The following PLXDC1 variants were observed in gnomAD, a reference collection of about 807,000 sequenced individuals.
PLXDC1 encodes the protein plexin domain containing 1.
In PLXDC1, 39 loss-of-function variants were observed where a neutral mutation model predicts 61.3. The ratio of observed to expected loss-of-function variants is 0.64; its 90% CI spans 0.49 to 0.83. The LOEUF is 0.83. Among genes scored for constraint, PLXDC1 ranks in the 40% least tolerant of loss-of-function variants. The pLI is 0.00. For missense variants in PLXDC1, 596 were observed against 666.5 expected (o/e 0.89, Z 1.17); for synonymous variants, 212 against 254.5 (o/e 0.83, Z 1.59).
intron 7 of PLXDC1, among the ~76,000 whole-genome samples, chr17:39,105,456 G>A (rs538549566): frequency 7.6e-4 from 116 of 152,106 alleles, no homozygotes; most frequent in Non-Finnish European, 1.3e-3. Context: ...CAGCATGGCC[G>A]AGGCTGGATT....
chr17:39,149,621 G>A (rs1459059835), intron 1 of PLXDC1, among the ~76,000 whole-genome samples: 2 of 152,218 alleles, frequency 1.3e-5, no homozygotes, highest in African/African-American at 4.8e-5. Context: ...ACTTAGAGAA[G>A]TGATTCAAGT....
intron 1 of PLXDC1, among the ~76,000 whole-genome samples, chr17:39,150,775 G>T (rs2045367390): frequency 6.6e-6 from 1 of 152,306 alleles, no homozygotes; most frequent in African/African-American, 2.4e-5. Context: ...GAGGCTGGGG[G>T]TGCAGAAGCA....
chr17:39,111,066 C>G (rs1402836878), intron 2 of PLXDC1, among the ~76,000 whole-genome samples: 2 of 152,120 alleles, frequency 1.3e-5, no homozygotes, highest in Non-Finnish European at 2.9e-5. Flanking sequence ...ATGCAAGATC[C>G]CACCATCAGC....
chr17:39,119,768 A>G (rs1023323636), intron 2 of PLXDC1, among the ~76,000 whole-genome samples: 10 of 152,104 alleles, frequency 6.6e-5, no homozygotes, highest in African/African-American at 2.4e-4. Flanking sequence ...TTTTAACTTC[A>G]TTTTTAAAAA....
intron 7 of PLXDC1, among the ~76,000 whole-genome samples, chr17:39,095,645 C>CG (rs900689542): frequency 1.9e-4 from 28 of 150,466 alleles, no homozygotes; most frequent in East Asian, 3.9e-4. Context: ...TTTTTTTTGG[C>CG]GGGGGGGTTG....
intron 2 of PLXDC1, among the ~76,000 whole-genome samples, chr17:39,134,355 GT>G (rs1911666554): frequency 6.6e-6 from 1 of 152,082 alleles, no homozygotes; most frequent in African/African-American, 2.4e-5. Flanking sequence ...GCGGGGTGTG[GT>G]GGCTCACGTC....
chr17:39,126,834 TA>T (rs895151185), intron 2 of PLXDC1: 1 of 152,176 alleles, frequency 6.6e-6, no homozygotes, highest in African/African-American at 2.4e-5. Flanking sequence ...GGAATCCATT[TA>T]TTTTTTTCTC....
At chr17:39,101,883 G>A (rs570224329) in intron 7 of PLXDC1, among the ~76,000 whole-genome samples, 7 of 152,274 alleles carry the variant, frequency 4.6e-5, no homozygotes, top group Admixed American at 2.0e-4. Flanking sequence ...TGGCCCTACC[G>A]AGAGGTGGTA....
chr17:39,075,781 G>C (rs572361877), intron 11 of PLXDC1, among the ~76,000 whole-genome samples: 9 of 152,188 alleles, frequency 5.9e-5, no homozygotes, highest in Admixed American at 2.6e-4. Context: ...GTAACGTTTA[G>C]AAAGGCAGGG....
At chr17:39,082,694 C>T (rs1247057809) in intron 9 of PLXDC1, among the ~76,000 whole-genome samples, 1 of 152,218 alleles carries the variant, frequency 6.6e-6, no homozygotes, top group Non-Finnish European at 1.5e-5. Flanking sequence ...GGACTTCCCA[C>T]TCTCATGAGA....
intron 2 of PLXDC1, among the ~76,000 whole-genome samples, chr17:39,132,824 G>T (rs1260304442): frequency 3.3e-5 from 5 of 151,990 alleles, no homozygotes; most frequent in Admixed American, 2.6e-4. Flanking sequence ...TGTGTAGGGG[G>T]AGGCAAAAGG....
At chr17:39,101,175 T>C (rs1441853402) in intron 7 of PLXDC1, among the ~76,000 whole-genome samples, 1 of 152,182 alleles carries the variant, frequency 6.6e-6, no homozygotes, top group African/African-American at 2.4e-5. Flanking sequence ...GGAAAACAGC[T>C]CTACTAGCTT....
chr17:39,147,420 T>C (rs775809772), intron 1 of PLXDC1, among the ~76,000 whole-genome samples: 2 of 152,098 alleles, frequency 1.3e-5, no homozygotes, highest in Non-Finnish European at 2.9e-5. Flanking sequence ...GCCCCCTCGG[T>C]GTTGGTGTGT....
In PLXDC1 at chr17:39,076,078, AAAAAAAAAAAAAG is replaced by A. The variant is rs1269416792; in HGVS notation, c.1186+1822_1186+1834del. Among the ~76,000 whole-genome samples the A allele has an allele frequency of 1.6e-3, 55 of 34,174 alleles. 3 individuals carry two copies. The highest frequency in any genetic ancestry group is 0.013 in the Admixed American group (14 of 1,066). 22.4% of individuals were successfully genotyped at this position (34,174 alleles called of 152,430 possible). On this transcript the variant is annotated intron_variant, in intron 11 of 13. Transcript: ENST00000315392. ...GGGCAACAGAGCAGGACTAAGTCTG[AAAAAAAAAAAAAG>A]AAAAAAAAAAAAAGAAAGAAAAAAG...
rs189929277 is a variant in PLXDC1, at chr17:39,128,976, C to A, written c.255+10678G>T. Among the ~76,000 whole-genome samples the A allele has an allele frequency of 2.5e-3, 374 of 151,072 alleles. 8 individuals are homozygous for A. In the East Asian group the frequency reaches 0.04, roughly 16 times the overall value. The stretch of plus-strand genomic sequence containing the variant: ...AGTGAGCCGAGATTGTGCCACTGCA[C>A]TCCAGTCTAGGCAACAGAGCAAGAC... On this transcript the variant is annotated intron_variant, in intron 2 of 13. Coordinates refer to ENST00000315392, the MANE Select transcript of PLXDC1 (RefSeq NM_020405.5).
At chr17:39,148,328 C>T (rs1041354116) in intron 1 of PLXDC1, among the ~76,000 whole-genome samples, 3 of 152,024 alleles carry the variant, frequency 2.0e-5, no homozygotes, top group Admixed American at 6.5e-5. Context: ...CTCAGCCTTC[C>T]GAGTACCTGG....
rs564078043 is a variant in PLXDC1 at position 39,079,133 on chromosome 17, C to A, written c.1021G>T (p.Glu341Ter). The part of the protein sequence containing the change: ...CSSGFDRYRQ[E>*]WMDYGCAQEA... The stretch of plus-strand genomic sequence containing the variant: ...TGTGCACAGCCATAGTCCATCCACT[C>A]CTGGCGATAGCGGTCAAAGCCACTG... Residue 341 changes from glutamate to a stop codon, truncating the protein, a stop_gained, in exon 10 of 14, where the codon GAG becomes TAG. Transcript: ENST00000315392. LOFTEE classifies it high-confidence loss of function. The A allele has an allele frequency of 3.1e-6, 5 of 1,613,978 alleles. No individual in the cohort carries two copies. The highest frequency in any genetic ancestry group is 2.5e-6 in the Non-Finnish European group (3 of 1,179,886).
chr17:39,066,267 G>A lies in PLXDC1; in HGVS notation c.*1573C>T, dbSNP rs1291426386. On this transcript the variant is annotated 3_prime_UTR_variant, in exon 14 of 14. Transcript: ENST00000315392. ...ATAGGGAGCCCCACATGGTAAATGT[G>A]GCTGCGCATAGCAAGCTCACCCAGG... 6.6e-6 allele frequency: 1 copy of A among 152,292 alleles called. No individual in the cohort carries two copies. The highest frequency in any genetic ancestry group is 1.9e-4 in the East Asian group (1 of 5,196). 9.4% of individuals were successfully genotyped at this position (152,292 alleles called of 1,614,324 possible).
intron 7 of PLXDC1, among the ~76,000 whole-genome samples, chr17:39,097,714 TAATA>T (rs147959612): frequency 0.059 from 8,548 of 145,898 alleles, 388 homozygotes; most frequent in African/African-American, 0.12. Context: ...TCTTTACAAA[TAATA>T]AATAAATAAA....
Sources: allele counts gnomAD v4.1 joint callset (sites outside exome capture counted in the v4.1 genomes callset), GRCh38; gene constraint gnomAD v4.1.1; transcripts MANE v1.5; gene names NCBI Gene and HGNC (gene_info 2026-07-23, HGNC 2026-07-21).